The following MAST4 variants were observed in gnomAD, a reference collection of about 807,000 sequenced individuals.
MAST4 encodes microtubule associated serine/threonine kinase family member 4, also known as microtubule-associated serine/threonine-protein kinase 4.
A neutral mutation model predicts 162.7 loss-of-function variants in MAST4; 89 were observed. That is an observed-to-expected ratio of 0.55 (90% CI 0.46 to 0.65). MAST4 has a LOEUF of 0.65. Among genes scored for constraint, MAST4 ranks in the 30% least tolerant of loss-of-function variants. The pLI is 0.00. For synonymous variants in MAST4, 1,479 were observed against 1,361.1 expected (o/e 1.09, Z -1.91); for missense variants, 3,153 against 3,374.0 (o/e 0.93, Z 1.62).
chr5:66,816,983 C>T (rs138056870), intron 3 of MAST4, among the ~76,000 whole-genome samples: 14 of 152,332 alleles, frequency 9.2e-5, no homozygotes, highest in African/African-American at 3.1e-4. Context: ...CACCTCGTCT[C>T]TCAAACCTAC....
At chr5:66,743,073 C>T (rs962952975) in intron 1 of MAST4, among the ~76,000 whole-genome samples, 1 of 152,162 alleles carries the variant, frequency 6.6e-6, no homozygotes, top group Non-Finnish European at 1.5e-5. Context: ...CGCGGCTCAC[C>T]AGCTTCCTTC....
intron 4 of MAST4, among the ~76,000 whole-genome samples, chr5:66,985,120 TC>T (rs1159989644): frequency 6.6e-6 from 1 of 151,974 alleles, no homozygotes; most frequent in African/African-American, 2.4e-5. Flanking sequence ...ATGCTGAGGA[TC>T]TGGAGGAGGC....
At chr5:66,755,330 TTC>T (rs1180373566) in intron 1 of MAST4, among the ~76,000 whole-genome samples, 1 of 152,228 alleles carries the variant, frequency 6.6e-6, no homozygotes, top group East Asian at 1.9e-4. Flanking sequence ...GGAAAAAGCT[TTC>T]TCTTTCTGCT....
chr5:67,108,451 A>G (rs1395303940), intron 10 of MAST4, among the ~76,000 whole-genome samples: 3 of 152,186 alleles, frequency 2.0e-5, no homozygotes, highest in African/African-American at 4.8e-5. Context: ...TCTTCCAAAA[A>G]TCTATTTTTG....
At chr5:67,050,113 C>A (rs1295542447) in intron 4 of MAST4, among the ~76,000 whole-genome samples, 3 of 152,192 alleles carry the variant, frequency 2.0e-5, no homozygotes. Flanking sequence ...TCCTCTTTGT[C>A]CCTCACACTG....
At position 67,165,638 on chromosome 5, in the gene MAST4, T is replaced by G; in HGVS notation, c.6459T>G (p.Ser2153Arg). 6.2e-7 allele frequency: 1 copy of G among 1,610,998 alleles called. No homozygotes were observed. Among genetic ancestry groups the G allele is most frequent in the Non-Finnish European group, 8.5e-7 (1 of 1,178,734 alleles). The part of the protein sequence containing the change: ...LSSPAARQHC[S>R]SPSHASGREP... ...GCCCGGCTGCCAGGCAGCATTGCAG[T>G]TCCCCAAGCCACGCTTCTGGCAGAG... The change falls in exon 29 of 29, where the codon AGT becomes AGG. Residue 2153 changes from serine (S) to arginine (R), a missense_variant. Around this residue, in one of 7 missense-constraint regions of MAST4, gnomAD observed 1,644 missense variants for 1,495.0 expected, o/e 1.10. Transcript: ENST00000403625.
chr5:66,834,005 C>A (rs1048454042), intron 3 of MAST4, among the ~76,000 whole-genome samples: 2 of 152,156 alleles, frequency 1.3e-5, no homozygotes, highest in African/African-American at 4.8e-5. Context: ...GATTACAAAT[C>A]TTTTAGCACA....
intron 1 of MAST4, among the ~76,000 whole-genome samples, chr5:66,715,697 A>T (rs1750790599): frequency 6.6e-6 from 1 of 150,728 alleles, no homozygotes; most frequent in South Asian, 2.1e-4. Context: ...TTAAAAAAAA[A>T]ATTTAACCTG....
intron 3 of MAST4, among the ~76,000 whole-genome samples, chr5:66,837,885 TATATATATA>T (rs1239341830): frequency 2.1e-3 from 99 of 46,434 alleles, no homozygotes; most frequent in African/African-American, 0.01. Context: ...TATATATATA[TATATATATA>T]TTTTTTTTTT....
intron 4 of MAST4, among the ~76,000 whole-genome samples, chr5:66,953,688 A>G (rs190802508): frequency 5.9e-5 from 9 of 152,202 alleles, no homozygotes; most frequent in African/African-American, 2.2e-4. Flanking sequence ...TTTAAGTGCA[A>G]TGAAATCAGA....
At chr5:66,977,874 T>C (rs529699020) in intron 4 of MAST4, among the ~76,000 whole-genome samples, 1 of 152,374 alleles carries the variant, frequency 6.6e-6, no homozygotes, top group African/African-American at 2.4e-5. Context: ...TAGAAAATAC[T>C]GGCAACTACA....
chr5:67,167,155 G>A lies in MAST4; in HGVS notation c.*104G>A. On this transcript the variant is annotated 3_prime_UTR_variant, in exon 29 of 29. Coordinates refer to ENST00000403625, the MANE Select transcript of MAST4 (RefSeq NM_001164664.2). ...ACTGTGTGGGAATGTCCGCCAGGCA[G>A]AGCTCGGAGCCTCATTGAGACAGGG... The A allele has an allele frequency of 1.0e-6, 1 of 992,918 alleles. No individual in the cohort carries two copies. Among genetic ancestry groups the A allele is most frequent in the East Asian group, 2.8e-5 (1 of 35,210 alleles). 61.5% of individuals were successfully genotyped at this position (992,918 alleles called of 1,614,324 possible).
In MAST4 at chr5:67,048,269, G is replaced by A. The variant is rs1328547085; in HGVS notation, c.675-6135G>A. Among the ~76,000 whole-genome samples, 3 of 152,100 alleles carry A rather than the reference G, an allele frequency of 2.0e-5. No individual in the cohort carries two copies. The East Asian group carries it at 5.8e-4, about 29-fold the overall frequency. Reference sequence around the variant, plus strand: ...TAGGAATCCTAAAATTTGCTTCAAAGGAATAATCTAAAAAGGGAATGAATT... The same window carrying A: ...TAGGAATCCTAAAATTTGCTTCAAAAGAATAATCTAAAAAGGGAATGAATT... On this transcript the variant is annotated intron_variant, in intron 4 of 28. Transcript: ENST00000403625.
chr5:67,043,748 C>T (rs1757042763), intron 4 of MAST4, among the ~76,000 whole-genome samples: 1 of 152,202 alleles, frequency 6.6e-6, no homozygotes, highest in Admixed American at 6.5e-5. Context: ...ATGTCACACA[C>T]ATCTTCCCTA....
chr5:66,945,349 C>T (rs1042786361), intron 4 of MAST4, among the ~76,000 whole-genome samples: 3 of 152,062 alleles, frequency 2.0e-5, no homozygotes, highest in Non-Finnish European at 2.9e-5. Flanking sequence ...GTTCACATTC[C>T]GGGGTTGTTT....
intron 13 of MAST4, among the ~76,000 whole-genome samples, chr5:67,118,995 A>C (rs1011489528): frequency 1.3e-5 from 2 of 152,212 alleles, no homozygotes; most frequent in African/African-American, 4.8e-5. Context: ...AATGTAACAG[A>C]TTACTAGGGT....
chr5:66,723,042 C>T (rs970293971), intron 1 of MAST4, among the ~76,000 whole-genome samples: 7 of 152,166 alleles, frequency 4.6e-5, no homozygotes, highest in African/African-American at 1.7e-4. Context: ...GCCTTTTCAT[C>T]ACAGTGGGTG....
intron 4 of MAST4, among the ~76,000 whole-genome samples, chr5:67,007,127 T>C (rs1033685228): frequency 6.6e-6 from 1 of 152,192 alleles, no homozygotes; most frequent in Admixed American, 6.5e-5. Flanking sequence ...GGGCAATGTA[T>C]GTGGCTATTG....
chr5:66,660,991 CAT>C (rs1382143387), intron 1 of MAST4, among the ~76,000 whole-genome samples: 1 of 152,180 alleles, frequency 6.6e-6, no homozygotes, highest in Non-Finnish European at 1.5e-5. Context: ...TGAAAAATCA[CAT>C]GTTAGCATGT....
Sources: allele counts gnomAD v4.1 joint callset (sites outside exome capture counted in the v4.1 genomes callset), GRCh38; gene constraint gnomAD v4.1.1; regional missense constraint gnomAD v4.1.1; transcripts MANE v1.5; gene names NCBI Gene and HGNC (gene_info 2026-07-23, HGNC 2026-07-21).